ADGRD1: variants seen among roughly 807,000 people sequenced by gnomAD.
ADGRD1 encodes the protein adhesion G protein-coupled receptor D1.
In ADGRD1, 77 loss-of-function variants were observed where a neutral mutation model predicts 113.4. The observed-to-expected ratio is 0.68, with a 90% CI of 0.57 to 0.82. The LOEUF (loss-of-function observed/expected upper bound fraction) is 0.82. Ranked by LOEUF, ADGRD1 falls within the 40% of genes least tolerant of loss-of-function variation. The pLI, the probability that ADGRD1 is intolerant of heterozygous loss-of-function variation, is 0.00. For missense variants in ADGRD1, 1,036 were observed against 1,139.1 expected (o/e 0.91, Z 1.30); for synonymous variants, 474 against 475.0 (o/e 1.00, Z 0.03).
chr12:131,031,867 T>A (rs191714958), intron 13 of ADGRD1, among the ~76,000 whole-genome samples: 7 of 152,316 alleles, frequency 4.6e-5, no homozygotes, highest in Admixed American at 3.3e-4. Context: ...TGTCATTGCC[T>A]CGTCCCCGCA....
intron 22 of ADGRD1, 140 bp from the exon 23 acceptor site, chr12:131,136,833 C>A: frequency 1.3e-6 from 1 of 752,548 alleles, no homozygotes; most frequent in Non-Finnish European, 2.4e-6. Context: ...CCTCTCCGTC[C>A]TCACGGGCCC....
chr12:130,987,154 G>A lies in ADGRD1; in HGVS notation c.550G>A (p.Val184Ile), dbSNP rs61732860. 0.017 allele frequency: 28,059 copies of A among 1,613,982 alleles called. 366 individuals are homozygous for A. Among genetic ancestry groups the A allele is most frequent in the Middle Eastern group, 0.044 (267 of 6,062 alleles). ...ATCCAAGGAGGGCCTGAAAGTCTAC[G>A]TCAACGGGACCCTGAGCACCTCTGA... Reference protein sequence around the residue: ...WKSKEGLKVYVNGTLSTSDPS... With the variant: ...WKSKEGLKVYINGTLSTSDPS... Residue 184 changes from valine to isoleucine, a missense_variant, in exon 6 of 25, where the codon GTC becomes ATC. By Grantham distance (29) the Val-to-Ile change is conservative (BLOSUM62 3). Transcript: ENST00000261654.
Position 131,105,836 on chromosome 12 carries a change from C to G in ADGRD1, c.1858C>G (p.Leu620Val). The G allele has an allele frequency of 6.2e-7, 1 of 1,600,326 alleles. No individual in the cohort carries two copies. The highest frequency in any genetic ancestry group is 8.5e-7 in the Non-Finnish European group (1 of 1,179,812). ...FAVLVAQVLLLISFRLEPGTT... is the reference protein window; with the variant it reads ...FAVLVAQVLLVISFRLEPGTT... ...CGTGCTGGTGGCCCAGGTCCTGCTG[C>G]TCATTAGTTTCCGCCTCGAGCCGGG... The change falls in exon 17 of 25, where the codon CTC (leucine) becomes GTC (valine). Residue 620 changes from leucine to valine, a missense_variant. Leu to Val is a conservative substitution (Grantham distance 32, BLOSUM62 1). Coordinates refer to ENST00000261654, the MANE Select transcript of ADGRD1 (RefSeq NM_198827.5).
At chr12:131,121,027 GTCGT>G in intron 20 of ADGRD1, 114 bp downstream of exon 20, 2 of 906,276 alleles carry the variant, frequency 2.2e-6, no homozygotes, top group South Asian at 1.6e-5. Context: ...AGGATGCAGC[GTCGT>G]TCCTCGGTCA....
At chr12:131,099,535 G>A (rs776632715) in intron 15 of ADGRD1, among the ~76,000 whole-genome samples, 1 of 152,172 alleles carries the variant, frequency 6.6e-6, no homozygotes, top group Non-Finnish European at 1.5e-5. Flanking sequence ...AAGCAGTGAG[G>A]TTTGCAGACC....
rs1400266118 is a variant in ADGRD1 at position 131,108,868 on chromosome 12, A to G, written c.2032A>G (p.Met678Val). The change falls in exon 18 of 25, where the codon ATG becomes GTG. Residue 678 changes from methionine to valine, a missense_variant. By Grantham distance (21) the Met-to-Val change is conservative. Transcript: ENST00000261654. The part of the protein sequence containing the change: ...EDSKHRYYYG[M>V]GWGFPLLICI... ...CAGCAAGCACCGTTACTACTATGGG[A>G]TGGGATGGGGTAGGTGGGGCAGGGC... is the stretch of plus-strand genomic sequence containing the variant. 2 of 954,346 alleles carry G rather than the reference A, an allele frequency of 2.1e-6. No homozygotes were observed. The highest frequency in any genetic ancestry group is 3.5e-5 in the African/African-American group (2 of 57,150). The allele number at this position is 954,346 out of a possible 1,614,324, so 59.1% of individuals were successfully genotyped here.
chr12:130,975,644 C>T (rs1872220665), intron 4 of ADGRD1, among the ~76,000 whole-genome samples: 2 of 152,226 alleles, frequency 1.3e-5, no homozygotes, highest in East Asian at 3.8e-4. Context: ...TTTCCAGCAT[C>T]AAGGTGCAGA....
Position 131,084,621 on chromosome 12 carries a change from C to A in ADGRD1, c.1629C>A (p.His543Gln). 6.2e-7 allele frequency: 1 copy of A among 1,614,206 alleles called. No individual in the cohort carries two copies. The highest frequency in any genetic ancestry group is 8.5e-7 in the Non-Finnish European group (1 of 1,180,024). Residue 543 changes from histidine to glutamine, a missense_variant, in exon 15 of 25, where the codon CAC becomes CAA. Transcript: ENST00000261654. The surrounding 1 kb of genome is among the most constrained non-coding windows in gnomAD (Gnocchi z 4.5). ...CCTACTCCGTCTGCCGCTGCACTCA[C>A]CTCACCAACTTTGCCATCCTCATGC... ...NLTYSVCRCT[H>Q]LTNFAILMQV...
At chr12:130,996,580 G>C (rs1875408507) in intron 8 of ADGRD1, among the ~76,000 whole-genome samples, 1 of 131,626 alleles carries the variant, frequency 7.6e-6, no homozygotes, top group Non-Finnish European at 1.6e-5. Context: ...GGGCAGAGGG[G>C]CTCCTCACTT....
intron 12 of ADGRD1, among the ~76,000 whole-genome samples, chr12:131,012,872 A>G (rs1377068399): frequency 2.0e-5 from 3 of 152,202 alleles, no homozygotes; most frequent in Non-Finnish European, 4.4e-5. Context: ...GGTGAGGCCC[A>G]CACAGAAGCA....
chr12:131,026,750 A>G (rs940941328), intron 13 of ADGRD1: 2 of 152,144 alleles, frequency 1.3e-5, no homozygotes, highest in African/African-American at 4.8e-5. Flanking sequence ...AGGTTTGACA[A>G]CTAGATACGT....
intron 4 of ADGRD1, among the ~76,000 whole-genome samples, chr12:130,972,123 A>G (rs1871737335): frequency 6.6e-6 from 1 of 152,224 alleles, no homozygotes; most frequent in Non-Finnish European, 1.5e-5. Flanking sequence ...ATGCAAAAGA[A>G]AAACTGGCAA....
chr12:130,955,645 C>T (rs1391475729), intron 2 of ADGRD1, among the ~76,000 whole-genome samples: 1 of 152,194 alleles, frequency 6.6e-6, no homozygotes, highest in Non-Finnish European at 1.5e-5. Flanking sequence ...CCTGCTAGTG[C>T]CTGAACCCCT....
rs554484979 is a variant in ADGRD1 at position 131,084,938 on chromosome 12, G to T, written c.1671+275G>T. Among the ~76,000 whole-genome samples, 4 of 152,366 alleles carry T rather than the reference G, an allele frequency of 2.6e-5. No homozygotes were observed. In the South Asian group the frequency reaches 8.3e-4, roughly 32 times the overall value. On this transcript the variant is annotated intron_variant, in intron 15 of 24. Transcript: ENST00000261654. This position sits in a 1 kb window ranked among gnomAD's most constrained non-coding sequence, Gnocchi z 4.5. ...GCAACGCCCAGACTGCACCTGGGGG[G>T]ATCCAAGGAGGGACCCCTCATCCCT...
intron 21 of ADGRD1, among the ~76,000 whole-genome samples, chr12:131,134,920 C>T (rs890006543): frequency 1.3e-5 from 2 of 152,220 alleles, no homozygotes; most frequent in Admixed American, 6.5e-5. Flanking sequence ...AACCCACAGT[C>T]TATGAGGGAG....
rs1013883353 is a variant in ADGRD1 at position 131,131,846 on chromosome 12, C to T, written c.2267+30C>T. ...GTTGACCTCAGGCTGCCAGCAGTGCCACGGCCCTTCTGCCCCCAGAGGATG... is the reference window on the plus strand; with the variant it reads ...GTTGACCTCAGGCTGCCAGCAGTGCTACGGCCCTTCTGCCCCCAGAGGATG... On this transcript the variant is annotated intron_variant, in intron 21 of 24. Transcript: ENST00000261654. 7.9e-6 allele frequency: 11 copies of T among 1,384,530 alleles called. No homozygotes were observed. The Admixed American group carries it at 1.3e-4, about 17-fold the overall frequency. 85.8% of individuals were successfully genotyped at this position (1,384,530 alleles called of 1,614,324 possible). A position where few individuals can be genotyped will look rare whatever the true frequency, so the allele number is the denominator to read the frequency against.
At position 130,954,209 on chromosome 12, in the gene ADGRD1, T is replaced by C; in HGVS notation, c.-257T>C. The C allele has an allele frequency of 2.5e-6, 1 of 398,730 alleles. No homozygotes were observed. Among genetic ancestry groups the C allele is most frequent in the Admixed American group, 4.3e-5 (1 of 23,046 alleles). 24.7% of individuals were successfully genotyped at this position (398,730 alleles called of 1,614,324 possible). ...CTGCGAGTCGGGTTTGGGTTTCTCC[T>C]CCCTGCATTCCACAGCTGCTCTGGT... On this transcript the variant is annotated 5_prime_UTR_variant, in exon 1 of 25. Transcript: ENST00000261654. This position sits in a 1 kb window ranked among gnomAD's most constrained non-coding sequence, Gnocchi z 4.7.
rs182120781 is a variant in ADGRD1, at chr12:130,978,966, C to T, written c.311-2918C>T. Among the ~76,000 whole-genome samples the T allele has an allele frequency of 7.4e-3, 1,129 of 152,208 alleles. 11 individuals are homozygous for T. The highest frequency in any genetic ancestry group is 0.015 in the South Asian group (74 of 4,814). ...TTGTCCTGGCTTCTGTACCCCTCAGCGCCCAAGGCAGGGAAGTGGCGGGAG... is the reference window on the plus strand; with the variant it reads ...TTGTCCTGGCTTCTGTACCCCTCAGTGCCCAAGGCAGGGAAGTGGCGGGAG... On this transcript the variant is annotated intron_variant, in intron 4 of 24. Transcript: ENST00000261654.
intron 23 of ADGRD1, 120 bp from the exon 24 acceptor site, chr12:131,138,017 A>G (rs1951140419): frequency 3.9e-6 from 3 of 777,362 alleles, no homozygotes; most frequent in South Asian, 3.0e-5. Context: ...TCCGACTCAT[A>G]TTTCCAAATC....
Sources: gnomAD v4.1 joint callset for allele counts (sites outside exome capture counted in the v4.1 genomes callset) on GRCh38, gnomAD v4.1.1 for gene constraint, Gnocchi (gnomAD v3.1) non-coding constraint, MANE v1.5 for transcripts, NCBI Gene and HGNC (gene_info 2026-07-23, HGNC 2026-07-21) for gene names.